The following ZNF595 variants were observed in gnomAD, a reference collection of about 807,000 sequenced individuals.
ZNF595 encodes zinc finger protein 595.
In ZNF595, 9 loss-of-function variants were observed where a neutral mutation model predicts 19.4. The ratio of observed to expected loss-of-function variants is 0.46; its 90% confidence interval spans 0.28 to 0.81. The LOEUF (loss-of-function observed/expected upper bound fraction) is 0.81, where lower values mean the gene tolerates loss of function less well. ZNF595 is among the 30% of genes least tolerant of loss of function. The probability of loss-of-function intolerance (pLI) is 0.11; values close to 1 mark genes in which losing one functional copy is unlikely to be tolerated. For missense variants in ZNF595, 729 were observed against 736.0 expected (o/e 0.99, Z 0.11); for synonymous variants, 255 against 255.9 (o/e 1.00, Z 0.03).
intron 3 of ZNF595, among the ~76,000 whole-genome samples, chr4:66,511 G>A (rs1161015440): frequency 2.0e-5 from 3 of 151,780 alleles, no homozygotes; most frequent in Non-Finnish European, 2.9e-5. Flanking sequence ...TTACATGCAA[G>A]AAAACATTGC....
intron 3 of ZNF595, among the ~76,000 whole-genome samples, chr4:82,424 C>T (rs1713956483): frequency 8.5e-6 from 1 of 118,048 alleles, no homozygotes; most frequent in Non-Finnish European, 1.7e-5. Flanking sequence ...ACTCTTGTTG[C>T]CCAAGCTGGA....
intron 3 of ZNF595, among the ~76,000 whole-genome samples, chr4:83,530 G>T (rs992461227): frequency 6.9e-6 from 1 of 145,154 alleles, no homozygotes; most frequent in Non-Finnish European, 1.5e-5. Context: ...CAAGGTGGAA[G>T]AATGGTGTGA....
At chr4:70,974 C>T (rs182371853) in intron 3 of ZNF595, among the ~76,000 whole-genome samples, 67 of 152,282 alleles carry the variant, frequency 4.4e-4, no homozygotes, top group Non-Finnish European at 7.5e-4. Flanking sequence ...TCTTTTTATT[C>T]ATGAACATAA....
intron 3 of ZNF595, among the ~76,000 whole-genome samples, chr4:74,541 C>T (rs1195951021): frequency 2.0e-5 from 3 of 152,150 alleles, no homozygotes; most frequent in African/African-American, 7.2e-5. Flanking sequence ...ACATCTGTGG[C>T]AGGAAGTCCT....
chr4:85,145 G>T (rs561089417), intron 3 of ZNF595, among the ~76,000 whole-genome samples: 1 of 152,278 alleles, frequency 6.6e-6, no homozygotes, highest in South Asian at 2.1e-4. Flanking sequence ...GTTTTTCAGT[G>T]AAAAGGGATT....
chr4:66,630 G>A (rs1713123217), intron 3 of ZNF595, among the ~76,000 whole-genome samples: 1 of 151,032 alleles, frequency 6.6e-6, no homozygotes, highest in Non-Finnish European at 1.5e-5. Flanking sequence ...TATGGTTCAG[G>A]GGAAGGATCC....
intron 3 of ZNF595, among the ~76,000 whole-genome samples, chr4:82,397 T>C (rs1713953570): frequency 7.3e-6 from 1 of 136,316 alleles, no homozygotes; most frequent in Non-Finnish European, 1.6e-5. Flanking sequence ...TTTTTTTTTT[T>C]TTTGAGATGG....
In ZNF595 at chr4:86,359, A is replaced by C; in HGVS notation, c.855A>C (p.Lys285Asn). Residue 285 changes from lysine (K) to asparagine (N), a missense_variant, in exon 4 of 4, where the codon AAA becomes AAC. Lys to Asn is a moderately conservative substitution (Grantham distance 94). This residue lies in a region of ZNF595 where 729 missense variants were observed against 675.3 expected (regional missense o/e 1.08). Coordinates refer to ENST00000610261, the MANE Select transcript of ZNF595 (RefSeq NM_182524.4). Reference protein sequence around the residue: ...KKIHTGEKPYKCKECGKAFRW... With the variant: ...KKIHTGEKPYNCKECGKAFRW... Reference sequence around the variant, plus strand: ...TTCATACTGGAGAGAAACCCTACAAATGTAAAGAATGTGGCAAAGCCTTTA... The same window carrying C: ...TTCATACTGGAGAGAAACCCTACAACTGTAAAGAATGTGGCAAAGCCTTTA... 1 of 1,613,772 alleles carries C rather than the reference A, an allele frequency of 6.2e-7. No individual in the cohort carries two copies. Among genetic ancestry groups the C allele is most frequent in the Non-Finnish European group, 8.5e-7 (1 of 1,179,906 alleles).
At chr4:74,233 A>T (rs1024678444) in intron 3 of ZNF595, among the ~76,000 whole-genome samples, 5 of 151,172 alleles carry the variant, frequency 3.3e-5, no homozygotes, top group African/African-American at 9.7e-5. Flanking sequence ...GAAGGCTGGG[A>T]TGTTGAGGCT....
In ZNF595 at chr4:87,430, T is replaced by C; in HGVS notation, c.1926T>C (p.His642=). 1 of 1,598,756 alleles carries C rather than the reference T, an allele frequency of 6.3e-7. No individual in the cohort carries two copies. The highest frequency in any genetic ancestry group is 8.5e-7 in the Non-Finnish European group (1 of 1,172,228). ...PSTLTVHKRI[H]TGKEHS is the part of the protein sequence containing the mutation. The stretch of plus-strand genomic sequence containing the variant: ...CCCTTACTGTACACAAGCGAATTCA[T>C]ACTGGCAAGGAACATAGTTGAATGA... The change falls in exon 4 of 4, where the codon CAT becomes CAC. Residue 642 remains histidine, a synonymous_variant. Coordinates refer to ENST00000610261, the MANE Select transcript of ZNF595 (RefSeq NM_182524.4).
At chr4:80,270 C>T (rs1553799603) in intron 3 of ZNF595, among the ~76,000 whole-genome samples, 1 of 152,172 alleles carries the variant, frequency 6.6e-6, no homozygotes, top group Non-Finnish European at 1.5e-5. Context: ...CCACCCGCCT[C>T]GGCCTCCCAA....
intron 3 of ZNF595, among the ~76,000 whole-genome samples, chr4:77,338 T>C (rs537906432): frequency 2.6e-4 from 40 of 152,180 alleles, no homozygotes; most frequent in African/African-American, 8.7e-4. Flanking sequence ...AAAAAATTAG[T>C]ATTTTTTTCA....
chr4:86,807 C>T lies in ZNF595; in HGVS notation c.1303C>T (p.Gln435Ter). ...TCEECGKAFN[Q>*]SSTLILHKRI... ...CGAAGAATGTGGCAAAGCTTTTAAC[C>T]AATCCTCAACTCTTATATTACACAA... The change falls in exon 4 of 4, where the codon CAA becomes TAA. Residue 435 changes from glutamine (Q) to a stop codon, truncating the protein, a stop_gained. Transcript: ENST00000610261. LOFTEE classifies it high-confidence loss of function. 6.2e-7 allele frequency: 1 copy of T among 1,612,984 alleles called. No individual in the cohort carries two copies. Among genetic ancestry groups the T allele is most frequent in the Non-Finnish European group, 8.5e-7 (1 of 1,179,680 alleles).
intron 3 of ZNF595, among the ~76,000 whole-genome samples, chr4:69,793 C>T (rs1405160160): frequency 6.6e-6 from 1 of 152,148 alleles, no homozygotes; most frequent in Non-Finnish European, 1.5e-5. Context: ...ATTTGTTCAT[C>T]TTTGCTTTGG....
intron 3 of ZNF595, chr4:68,312 A>G: frequency 5.5e-6 from 1 of 182,540 alleles, no homozygotes; most frequent in East Asian, 1.4e-4. Flanking sequence ...GAATGTGGAC[A>G]TATATTCCAC....
chr4:66,510 A>G (rs1581332176), intron 3 of ZNF595, among the ~76,000 whole-genome samples: 2 of 151,908 alleles, frequency 1.3e-5, no homozygotes, highest in Admixed American at 1.3e-4. Flanking sequence ...GTTACATGCA[A>G]GAAAACATTG....
chr4:87,302 G>T lies in ZNF595; in HGVS notation c.1798G>T (p.Ala600Ser), dbSNP rs377671827. 1.6e-5 allele frequency: 26 copies of T among 1,613,506 alleles called. No individual in the cohort carries two copies. Among genetic ancestry groups the T allele is most frequent in the Non-Finnish European group, 2.2e-5 (26 of 1,179,778 alleles). Residue 600 changes from alanine to serine, a missense_variant, in exon 4 of 4, where the codon GCC becomes TCC. This residue lies in a region of ZNF595 where 729 missense variants were observed against 675.3 expected (regional missense o/e 1.08). Transcript: ENST00000610261. Reference sequence around the variant, plus strand: ...CTTCACATGTGAAGAATGTGGCAAAGCCTTCAATTGGTCCTCATCCCTTAC... The same window carrying T: ...CTTCACATGTGAAGAATGTGGCAAATCCTTCAATTGGTCCTCATCCCTTAC... ...KPFTCEECGKAFNWSSSLTKH... is the reference protein window; with the variant it reads ...KPFTCEECGKSFNWSSSLTKH...
intron 3 of ZNF595, among the ~76,000 whole-genome samples, chr4:84,047 T>A (rs1714034293): frequency 1.3e-5 from 2 of 152,174 alleles, no homozygotes; most frequent in South Asian, 4.1e-4. Context: ...TAAAATTTCT[T>A]AAAATAATAC....
chr4:81,671 T>C (rs1278776148), intron 3 of ZNF595, among the ~76,000 whole-genome samples: 1 of 152,216 alleles, frequency 6.6e-6, no homozygotes, highest in African/African-American at 2.4e-5. Context: ...TAACACTCAG[T>C]ACACATTAAA....
Sources: allele counts gnomAD v4.1 joint callset (sites outside exome capture counted in the v4.1 genomes callset), GRCh38; gene constraint gnomAD v4.1.1; regional missense constraint gnomAD v4.1.1; transcripts MANE v1.5; gene names NCBI Gene and HGNC (gene_info 2026-07-23, HGNC 2026-07-21).